Variants in TXNDC17 observed in about 807,000 individuals in gnomAD.
TXNDC17 encodes the protein thioredoxin domain containing 17.
A neutral mutation model predicts 16.3 loss-of-function variants in TXNDC17; 12 were observed. The observed-to-expected ratio is 0.74, with a 90% CI of 0.47 to 1.19. TXNDC17 has a LOEUF of 1.19. TXNDC17 is among the 50% of genes most tolerant of loss of function. The probability of loss-of-function intolerance (pLI) is 0.00; values close to 1 mark genes in which losing one functional copy is unlikely to be tolerated. For missense variants in TXNDC17, 158 were observed against 149.7 expected, an observed-to-expected ratio of 1.06 and a Z score of -0.29; for synonymous variants, 62 against 55.0, an observed-to-expected ratio of 1.13 and a Z score of -0.56.
intron 3 of TXNDC17, 32 bp from the exon 4 acceptor site, chr17:6,642,919 G>A: frequency 1.3e-6 from 2 of 1,528,138 alleles, no homozygotes; most frequent in Non-Finnish European, 1.8e-6. Flanking sequence ...TTTTATAGAA[G>A]TAGTGAAGAT....
chr17:6,641,215 G>C lies in TXNDC17; in HGVS notation c.133G>C (p.Asp45His), dbSNP rs1488191139. ...KDAGGKSWCP[D>H]CVQAEPVVRE... ...CGCCGGGGGGAAAAGCTGGTGCCCC[G>C]ACTGCGTGCAGGGTGAGGCCGGGAT... Residue 45 changes from aspartate (D) to histidine (H), a missense_variant, in exon 1 of 4, where the codon GAC becomes CAC. By Grantham distance (81) the Asp-to-His change is moderately conservative. Transcript: ENST00000250101. The C allele has an allele frequency of 2.5e-6, 4 of 1,613,466 alleles. No homozygotes were observed. The highest frequency in any genetic ancestry group is 1.1e-5 in the South Asian group (1 of 91,062).
chr17:6,641,090 G>C lies in TXNDC17; in HGVS notation c.8G>C (p.Arg3Pro). Residue 3 changes from arginine (R) to proline (P), a missense_variant, in exon 1 of 4, where the codon CGC becomes CCC. By Grantham distance (103) the Arg-to-Pro change is moderately radical. Transcript: ENST00000250101. ...CGGCTGCACGTCGTGCCAATGGCCC[G>C]CTATGAGGAGGTGAGCGTGTCCGGC... Reference protein sequence around the residue: MARYEEVSVSGFE... With the variant: MAPYEEVSVSGFE... 1 of 1,612,940 alleles carries C rather than the reference G, an allele frequency of 6.2e-7. No individual in the cohort carries two copies. Among genetic ancestry groups the C allele is most frequent in the Non-Finnish European group, 8.5e-7 (1 of 1,179,856 alleles).
In TXNDC17 at chr17:6,642,315, G is replaced by A. The variant is rs1208681295; in HGVS notation, c.294G>A (p.Lys98=). 4 of 1,599,934 alleles carry A rather than the reference G, an allele frequency of 2.5e-6. No individual in the cohort carries two copies. Among genetic ancestry groups the A allele is most frequent in the Admixed American group, 3.4e-5 (2 of 58,842 alleles). Residue 98 remains lysine (K), a synonymous_variant, in exon 3 of 4, where the codon AAG becomes AAA. Transcript: ENST00000250101. The part of the protein sequence containing the change: ...LKVTAVPTLL[K]YGTPQKLVES... ...TAACAGCAGTGCCTACACTACTTAA[G>A]TATGGAACAGTAAGTATCTTTAAAT...
rs1972729309 is a variant in TXNDC17 at position 6,643,950 on chromosome 17, TAC to T, written c.*933_*934del. 4 of 396,420 alleles carry T rather than the reference TAC, an allele frequency of 1.0e-5. No individual in the cohort carries two copies. The highest frequency in any genetic ancestry group is 1.8e-5 in the Non-Finnish European group (4 of 225,092). 24.6% of individuals were successfully genotyped at this position (396,420 alleles called of 1,614,324 possible). ...TAAAGCCACCTTGCAAAGCAGGTAA[TAC>T]AGTTATTTCCTGTCCTGCAGAATTC... is the stretch of plus-strand genomic sequence containing the variant. On this transcript the variant is annotated 3_prime_UTR_variant, in exon 4 of 4. Coordinates refer to ENST00000250101, the MANE Select transcript of TXNDC17 (RefSeq NM_032731.4).
At chr17:6,641,693 T>C (rs1972673904) in intron 1 of TXNDC17, 60 bp from the exon 2 acceptor site, 2 of 1,530,862 alleles carry the variant, frequency 1.3e-6, no homozygotes, top group African/African-American at 2.7e-5. Flanking sequence ...AAGAACACAG[T>C]TTATACGTGC....
At chr17:6,642,120 G>C (rs1158506752) in intron 2 of TXNDC17, 129 bp from the exon 3 acceptor site, 1 of 703,602 alleles carries the variant, frequency 1.4e-6, no homozygotes, top group East Asian at 2.7e-5. Context: ...GCCATAGTCC[G>C]CAAGGTTTTT....
intron 3 of TXNDC17, 54 bp downstream of exon 3, chr17:6,642,378 C>T: frequency 2.4e-6 from 3 of 1,233,268 alleles, no homozygotes; most frequent in Non-Finnish European, 3.5e-6. Context: ...ACTCTTTTAA[C>T]TTGCTGTGGA....
At chr17:6,642,089 A>G in intron 2 of TXNDC17, 160 bp from the exon 3 acceptor site, 2 of 664,684 alleles carry the variant, frequency 3.0e-6, no homozygotes, top group East Asian at 5.4e-5. Flanking sequence ...GAAACTTTGC[A>G]CAGGGTAATT....
rs1276103496 is a variant in TXNDC17, at chr17:6,642,337, A to G, written c.303+13A>G. On this transcript the variant is annotated intron_variant, in intron 3 of 3. Coordinates refer to ENST00000250101, the MANE Select transcript of TXNDC17 (RefSeq NM_032731.4). ...TAAGTATGGAACAGTAAGTATCTTT[A>G]AATATGCTGGGCCTGTAATTCACTG... 6.4e-7 allele frequency: 1 copy of G among 1,554,258 alleles called. No homozygotes were observed. Among genetic ancestry groups the G allele is most frequent in the East Asian group, 2.2e-5 (1 of 44,454 alleles).
intron 1 of TXNDC17, 175 bp from the exon 2 acceptor site, chr17:6,641,578 C>T (rs1972668268): frequency 1.4e-6 from 1 of 700,878 alleles, no homozygotes; most frequent in Non-Finnish European, 2.4e-6. Context: ...GGTCCTTACC[C>T]TTAACGTGGC....
intron 1 of TXNDC17, 72 bp from the exon 2 acceptor site, chr17:6,641,681 G>T: frequency 6.9e-7 from 1 of 1,452,542 alleles, no homozygotes; most frequent in Non-Finnish European, 9.6e-7. Context: ...GGGGAAGGGG[G>T]AAAGAACACA....
At chr17:6,642,739 T>C (rs930465431) in intron 3 of TXNDC17, 10 of 551,370 alleles carry the variant, frequency 1.8e-5, no homozygotes, top group Non-Finnish European at 3.2e-5. Flanking sequence ...CTTCCTGGTA[T>C]TTGGGGTTTA....
intron 1 of TXNDC17, 24 bp from the exon 2 acceptor site, chr17:6,641,729 A>C: frequency 1.2e-6 from 2 of 1,611,740 alleles, no homozygotes; most frequent in Non-Finnish European, 1.7e-6. Context: ...ACGTGCGATT[A>C]TTTTATCTCA....
intron 3 of TXNDC17, chr17:6,642,543 A>G (rs959052231): frequency 7.1e-5 from 35 of 494,490 alleles, no homozygotes; most frequent in African/African-American, 6.4e-4. Flanking sequence ...AAAAAACCAG[A>G]AAGTAGGTTG....
In TXNDC17 at chr17:6,643,984, C is replaced by A. The variant is rs1487804206; in HGVS notation, c.*965C>A. ...TTCCTGTCCTGCAGAATTCAAGAAC[C>A]TTTATGCAGTTCCTGTCCTATGATT... is the stretch of plus-strand genomic sequence containing the variant. On this transcript the variant is annotated 3_prime_UTR_variant, in exon 4 of 4. Transcript: ENST00000250101. 9 of 397,900 alleles carry A rather than the reference C, an allele frequency of 2.3e-5. No homozygotes were observed. The highest frequency in any genetic ancestry group is 4.0e-5 in the Non-Finnish European group (9 of 226,082). The allele number at this position is 397,900 out of a possible 1,614,324, so 24.6% of individuals were successfully genotyped here. A position where few individuals can be genotyped will look rare whatever the true frequency, so the allele number is the denominator to read the frequency against.
At chr17:6,641,384 G>C (rs1272266711) in intron 1 of TXNDC17, 157 bp downstream of exon 1, 5 of 1,096,492 alleles carry the variant, frequency 4.6e-6, no homozygotes, top group Non-Finnish European at 6.4e-6. Flanking sequence ...ATCCTACCCC[G>C]CCCTGCCAAG....
rs1367206400 is a variant in TXNDC17 at position 6,644,037 on chromosome 17, C to T, written c.*1018C>T. 1.2e-5 allele frequency: 5 copies of T among 401,368 alleles called. No homozygotes were observed. The highest frequency in any genetic ancestry group is 4.3e-5 in the Admixed American group (1 of 23,382). The allele number at this position is 401,368 out of a possible 1,614,324, so 24.9% of individuals were successfully genotyped here. A position where few individuals can be genotyped will look rare whatever the true frequency, so the allele number is the denominator to read the frequency against. The stretch of plus-strand genomic sequence containing the variant: ...AAGAGGTCAGTGACTCCGCTACTCT[C>T]ACTACATCTTAGAGTAGAGTGGTAG... On this transcript the variant is annotated 3_prime_UTR_variant, in exon 4 of 4. Transcript: ENST00000250101.
At position 6,641,113 on chromosome 17, in the gene TXNDC17, G is replaced by A. The variant is rs201002319; in HGVS notation, c.31G>A (p.Gly11Ser). 2.5e-6 allele frequency: 4 copies of A among 1,613,496 alleles called. No homozygotes were observed. The highest frequency in any genetic ancestry group is 2.2e-5 in the East Asian group (1 of 44,852). The change falls in exon 1 of 4, where the codon GGC becomes AGC. Residue 11 changes from glycine (G) to serine (S), a missense_variant. Gly to Ser is a moderately conservative substitution (Grantham distance 56). Transcript: ENST00000250101. The part of the protein sequence containing the change: MARYEEVSVS[G>S]FEEFHRAVEQ... ...CCGCTATGAGGAGGTGAGCGTGTCCGGCTTCGAGGAGTTCCACCGGGCCGT... is the reference window on the plus strand; with the variant it reads ...CCGCTATGAGGAGGTGAGCGTGTCCAGCTTCGAGGAGTTCCACCGGGCCGT...
chr17:6,641,098 G>A lies in TXNDC17; in HGVS notation c.16G>A (p.Glu6Lys), dbSNP rs1471620753. Reference sequence around the variant, plus strand: ...CGTCGTGCCAATGGCCCGCTATGAGGAGGTGAGCGTGTCCGGCTTCGAGGA... The same window carrying A: ...CGTCGTGCCAATGGCCCGCTATGAGAAGGTGAGCGTGTCCGGCTTCGAGGA... MARYE[E>K]VSVSGFEEFH... Residue 6 changes from glutamate to lysine, a missense_variant, in exon 1 of 4, where the codon GAG becomes AAG. Transcript: ENST00000250101. The A allele has an allele frequency of 1.9e-6, 3 of 1,613,446 alleles. No individual in the cohort carries two copies. The highest frequency in any genetic ancestry group is 2.2e-5 in the South Asian group (2 of 91,068).
Sources: gnomAD v4.1 joint callset for allele counts on GRCh38, gnomAD v4.1.1 for gene constraint, MANE v1.5 for transcripts, NCBI Gene and HGNC (gene_info 2026-07-23, HGNC 2026-07-21) for gene names.